CST9L: variants seen among roughly 807,000 people sequenced by gnomAD.
CST9L encodes the protein cystatin-9-like.
CST9L carries 17 observed loss-of-function variants against 13.2 expected under a neutral mutation model. The ratio of observed to expected loss-of-function variants is 1.29; its 90% confidence interval spans 0.88 to 1.93. The LOEUF (loss-of-function observed/expected upper bound fraction) is 1.93. CST9L is among the 30% of genes most tolerant of loss of function. The pLI is 0.00. For synonymous variants in CST9L, 78 were observed against 69.1 expected, an observed-to-expected ratio of 1.13 and a Z score of -0.64; for missense variants, 170 against 170.5, an observed-to-expected ratio of 1.00 and a Z score of 0.02.
intron 1 of CST9L, among the ~76,000 whole-genome samples, chr20:23,567,456 G>A (rs1008161937): frequency 4.7e-5 from 7 of 150,432 alleles, no homozygotes; most frequent in South Asian, 4.2e-4. Context: ...TGCAGTGAGC[G>A]GAGATGACGC....
chr20:23,568,310 G>T lies in CST9L; in HGVS notation c.141C>A (p.Leu47=), dbSNP rs558085521. The T allele has an allele frequency of 2.5e-6, 4 of 1,614,168 alleles. No individual in the cohort carries two copies. The East Asian group carries it at 8.9e-5, about 36-fold the overall frequency. ...CDEHNVMARY[L]PATVEFAVHT... is the part of the protein sequence containing the mutation. The stretch of plus-strand genomic sequence containing the variant: ...GGACAGCAAACTCCACTGTGGCAGG[G>T]AGGTAACGAGCCATGACATTGTGTT... The change falls in exon 1 of 3, where the codon CTC becomes CTA. Residue 47 remains leucine, a synonymous_variant. Coordinates refer to ENST00000376979, the MANE Select transcript of CST9L (RefSeq NM_080610.3).
At chr20:23,566,178 C>A in intron 1 of CST9L, 91 bp from the exon 2 acceptor site, 1 of 791,458 alleles carries the variant, frequency 1.3e-6, no homozygotes, top group South Asian at 1.4e-5. Flanking sequence ...AGGAGAAGTC[C>A]CAACATTCTC....
At chr20:23,565,066 T>G (rs1384294555) in intron 2 of CST9L, 29 bp from the exon 3 acceptor site, 3 of 1,526,398 alleles carry the variant, frequency 2.0e-6, no homozygotes, top group Admixed American at 3.3e-5. Context: ...GAAGGGACAG[T>G]GGGTGAGGGA....
chr20:23,566,572 T>A (rs1040893524), intron 1 of CST9L, among the ~76,000 whole-genome samples: 1 of 152,096 alleles, frequency 6.6e-6, no homozygotes, highest in Admixed American at 6.5e-5. Context: ...GCATACATCC[T>A]TGGGACAATG....
At chr20:23,565,744 G>A (rs1458888348) in intron 2 of CST9L, among the ~76,000 whole-genome samples, 2 of 152,194 alleles carry the variant, frequency 1.3e-5, no homozygotes, top group Admixed American at 6.5e-5. Context: ...GGCAGCTGCA[G>A]TGGCATGACA....
chr20:23,568,096 G>T, intron 1 of CST9L, 115 bp downstream of exon 1: 1 of 1,020,256 alleles, frequency 9.8e-7, no homozygotes. Context: ...CTTAAGTATG[G>T]ACTACAACTG....
Position 23,564,762 on chromosome 20 carries a change from C to T in CST9L, c.*186G>A. ...TAAAATGCTGATGTTTAATGATCTA[C>T]ACTACATGATTAGGCTCAAGATGTG... is the stretch of plus-strand genomic sequence containing the variant. On this transcript the variant is annotated 3_prime_UTR_variant, in exon 3 of 3. Transcript: ENST00000376979. The T allele has an allele frequency of 1.7e-6, 1 of 595,176 alleles. No homozygotes were observed. Among genetic ancestry groups the T allele is most frequent in the Non-Finnish European group, 3.0e-6 (1 of 330,572 alleles). The allele number at this position is 595,176 out of a possible 1,614,324, so 36.9% of individuals were successfully genotyped here. A position where few individuals can be genotyped will look rare whatever the true frequency, so the allele number is the denominator to read the frequency against.
chr20:23,567,827 ATC>A (rs1989120551), intron 1 of CST9L, among the ~76,000 whole-genome samples: 1 of 151,878 alleles, frequency 6.6e-6, no homozygotes, highest in Admixed American at 6.6e-5. Flanking sequence ...TTTTTAAATT[ATC>A]TCTTTTTTAT....
intron 1 of CST9L, among the ~76,000 whole-genome samples, chr20:23,567,565 A>G (rs4254568): frequency 0.36 from 53,865 of 150,546 alleles, 10,322 homozygotes; most frequent in East Asian, 0.56. Flanking sequence ...GTTCATGCCT[A>G]CAGCACAGAT....
chr20:23,566,146 C>T (rs1389643699), intron 1 of CST9L, 59 bp from the exon 2 acceptor site: 3 of 952,378 alleles, frequency 3.2e-6, no homozygotes, highest in Non-Finnish European at 5.2e-6. Context: ...TAAGTAGCTG[C>T]TGGTGAAGAT....
chr20:23,565,732 C>T (rs978189747), intron 2 of CST9L, among the ~76,000 whole-genome samples: 1 of 152,174 alleles, frequency 6.6e-6, no homozygotes, highest in Non-Finnish European at 1.5e-5. Flanking sequence ...GCCCTGGGTG[C>T]AGGCAGCTGC....
chr20:23,567,242 G>A lies in CST9L; in HGVS notation c.240+969C>T, dbSNP rs539739751. On this transcript the variant is annotated intron_variant, in intron 1 of 2. Coordinates refer to ENST00000376979, the MANE Select transcript of CST9L (RefSeq NM_080610.3). ...GTCCTCAACTTAGCTGGGTGCAGTG[G>A]CTCATGCCTGTAATCCCAGCACTTT... 1.5e-3 allele frequency among the ~76,000 whole-genome samples: 228 copies of A among 152,264 alleles called. 2 individuals carry two copies. The highest frequency in any genetic ancestry group is 1.1e-3 in the Non-Finnish European group (78 of 68,018).
intron 1 of CST9L, among the ~76,000 whole-genome samples, chr20:23,567,219 C>T (rs553762312): frequency 1.3e-5 from 2 of 152,120 alleles, no homozygotes; most frequent in Admixed American, 1.3e-4. Flanking sequence ...AACTAGAAGT[C>T]CTCAACTTAG....
At chr20:23,565,088 C>G (rs1248154413) in intron 2 of CST9L, 51 bp from the exon 3 acceptor site, 3 of 1,305,986 alleles carry the variant, frequency 2.3e-6, no homozygotes, top group East Asian at 2.3e-5. Flanking sequence ...GCTCAGGAAG[C>G]TCATGGCTCA....
At chr20:23,567,793 A>G (rs1989119729) in intron 1 of CST9L, among the ~76,000 whole-genome samples, 1 of 151,954 alleles carries the variant, frequency 6.6e-6, no homozygotes, top group South Asian at 2.1e-4. Flanking sequence ...CTGAACCCTT[A>G]CTGTTCTCTT....
intron 2 of CST9L, 50 bp from the exon 3 acceptor site, chr20:23,565,087 G>A (rs376354808): frequency 1.5e-6 from 2 of 1,304,030 alleles, no homozygotes; most frequent in Non-Finnish European, 2.2e-6. Flanking sequence ...GGCTCAGGAA[G>A]CTCATGGCTC....
intron 1 of CST9L, 61 bp downstream of exon 1, chr20:23,568,150 C>T: frequency 1.3e-6 from 2 of 1,594,038 alleles, no homozygotes; most frequent in East Asian, 2.2e-5. Context: ...CCACCCCACT[C>T]CCATTTTTCA....
chr20:23,565,121 T>A (rs1306780243), intron 2 of CST9L, 84 bp from the exon 3 acceptor site: 1 of 955,120 alleles, frequency 1.0e-6, no homozygotes, highest in African/African-American at 1.6e-5. Flanking sequence ...TGGCTTCCTC[T>A]CCACATTGCC....
chr20:23,565,245 C>T (rs1989074877), intron 2 of CST9L, among the ~76,000 whole-genome samples: 1 of 152,108 alleles, frequency 6.6e-6, no homozygotes, highest in Admixed American at 6.5e-5. Flanking sequence ...CTTTTCTGAC[C>T]CAGGGGCGCC....
Sources: gnomAD v4.1 joint callset for allele counts (sites outside exome capture counted in the v4.1 genomes callset) on GRCh38, gnomAD v4.1.1 for gene constraint, MANE v1.5 for transcripts, NCBI Gene and HGNC (gene_info 2026-07-23, HGNC 2026-07-21) for gene names.